SGCZ: variants seen among roughly 807,000 people sequenced by gnomAD.
The protein encoded by SGCZ is zeta-sarcoglycan.
SGCZ carries 40 observed loss-of-function variants against 41.3 expected under a neutral mutation model. The ratio of observed to expected loss-of-function variants is 0.97; its 90% CI spans 0.75 to 1.26. The LOEUF is 1.26. Among genes scored for constraint, SGCZ ranks in the 50% most tolerant of loss-of-function variants. The pLI is 0.00. For missense variants in SGCZ, 552 were observed against 369.8 expected (o/e 1.49, Z -4.04); for synonymous variants, 206 against 137.5 (o/e 1.50, Z -3.49).
intron 1 of SGCZ, among the ~76,000 whole-genome samples, chr8:14,876,102 G>T (rs934158226): frequency 1.3e-5 from 2 of 152,112 alleles, no homozygotes; most frequent in Non-Finnish European, 2.9e-5. Context: ...GTAGCCAAAA[G>T]CTTGCATCAG....
intron 1 of SGCZ, among the ~76,000 whole-genome samples, chr8:14,914,720 G>A (rs1176182130): frequency 6.6e-6 from 1 of 152,080 alleles, no homozygotes; most frequent in East Asian, 1.9e-4. Flanking sequence ...CAAAAAGCAG[G>A]CAAATCCAGA....
rs7833701 is a variant in SGCZ at position 14,254,095 on chromosome 8, T to A, written c.337-16416A>T. On this transcript the variant is annotated intron_variant, in intron 3 of 7. Transcript: ENST00000382080. Reference sequence around the variant, plus strand: ...TCTTAAATTGGGCACTAAAATCCATTAACAGAACTGAAGACTTTTTAAACC... The same window carrying A: ...TCTTAAATTGGGCACTAAAATCCATAAACAGAACTGAAGACTTTTTAAACC... Among the ~76,000 whole-genome samples the A allele has an allele frequency of 1.6e-3, 237 of 152,034 alleles. 1 individual carries two copies. The highest frequency in any genetic ancestry group is 5.4e-3 in the African/African-American group (223 of 41,488).
intron 1 of SGCZ, among the ~76,000 whole-genome samples, chr8:15,115,203 T>C (rs778422225): frequency 6.6e-6 from 1 of 152,192 alleles, no homozygotes; most frequent in Non-Finnish European, 1.5e-5. Context: ...GCTGCCTTCT[T>C]TACACATGCC....
chr8:14,382,599 T>C (rs527560232), intron 2 of SGCZ, among the ~76,000 whole-genome samples: 3 of 152,248 alleles, frequency 2.0e-5, no homozygotes, highest in African/African-American at 4.8e-5. Context: ...ACAATCATTA[T>C]TGGGGACGTT....
intron 4 of SGCZ, among the ~76,000 whole-genome samples, chr8:14,180,830 C>G (rs1254500402): frequency 6.6e-6 from 1 of 151,788 alleles, no homozygotes; most frequent in Non-Finnish European, 1.5e-5. Context: ...GTGGCGATGG[C>G]TATGTGAACC....
At chr8:14,462,802 T>C (rs1025661542) in intron 2 of SGCZ, among the ~76,000 whole-genome samples, 5 of 151,856 alleles carry the variant, frequency 3.3e-5, no homozygotes, top group Admixed American at 2.6e-4. Context: ...CTGTAGATCA[T>C]TTGGGGTAAT....
chr8:14,475,044 T>C (rs1381239751), intron 2 of SGCZ, among the ~76,000 whole-genome samples: 1 of 152,174 alleles, frequency 6.6e-6, no homozygotes, highest in East Asian at 1.9e-4. Flanking sequence ...ACTTATCCAA[T>C]GAGTTATTTT....
chr8:14,684,062 T>C (rs1472251799), intron 1 of SGCZ, among the ~76,000 whole-genome samples: 1 of 152,174 alleles, frequency 6.6e-6, no homozygotes, highest in African/African-American at 2.4e-5. Context: ...CTAGAGATTA[T>C]GAAACCCAAC....
intron 1 of SGCZ, among the ~76,000 whole-genome samples, chr8:15,015,059 T>A (rs1220822221): frequency 6.6e-6 from 1 of 151,868 alleles, no homozygotes. Context: ...CTGGCAAACA[T>A]GGCGAAACTC....
Position 14,487,375 on chromosome 8 carries a change from T to C in SGCZ, c.234+67357A>G, listed in dbSNP as rs548730961. Among the ~76,000 whole-genome samples the C allele has an allele frequency of 7.2e-5, 11 of 152,034 alleles. No homozygotes were observed. The South Asian group carries it at 2.3e-3, about 32-fold the overall frequency. ...TGTAAGCTATAAGGAATATAATATA[T>C]TATGAGACAAATGATGTATGGCAAA... On this transcript the variant is annotated intron_variant, in intron 2 of 7. Transcript: ENST00000382080.
At chr8:14,259,156 A>T (rs1025418444) in intron 3 of SGCZ, among the ~76,000 whole-genome samples, 4 of 152,194 alleles carry the variant, frequency 2.6e-5, no homozygotes, top group African/African-American at 7.2e-5. Flanking sequence ...TGCAATTTTC[A>T]ATTTGTTATG....
At chr8:14,625,633 G>A (rs1431250644) in intron 1 of SGCZ, among the ~76,000 whole-genome samples, 1 of 152,010 alleles carries the variant, frequency 6.6e-6, no homozygotes, top group African/African-American at 2.4e-5. Flanking sequence ...GTCTCACTAG[G>A]TTTCCCAGGC....
intron 1 of SGCZ, among the ~76,000 whole-genome samples, chr8:14,772,795 T>C (rs1162862692): frequency 1.3e-5 from 2 of 152,220 alleles, no homozygotes; most frequent in Admixed American, 6.5e-5. Flanking sequence ...CCATGGTGTA[T>C]ATGTGCCACA....
intron 1 of SGCZ, among the ~76,000 whole-genome samples, chr8:14,925,186 G>A (rs898424406): frequency 1.3e-5 from 2 of 152,100 alleles, no homozygotes; most frequent in East Asian, 1.9e-4. Context: ...CAGCAGTTAA[G>A]TTTAAAAGTC....
intron 2 of SGCZ, among the ~76,000 whole-genome samples, chr8:14,529,119 C>A (rs192205822): frequency 9.2e-5 from 14 of 152,182 alleles, no homozygotes; most frequent in Admixed American, 7.2e-4. Context: ...AATATTAAGT[C>A]CAGCACATGT....
chr8:14,149,493 T>C (rs576346645), intron 5 of SGCZ, among the ~76,000 whole-genome samples: 2 of 152,032 alleles, frequency 1.3e-5, no homozygotes, highest in Non-Finnish European at 2.9e-5. Context: ...ATGGAAACTA[T>C]AAAACACTGG....
chr8:14,114,329 G>A (rs1030264446), intron 5 of SGCZ, among the ~76,000 whole-genome samples: 10 of 151,948 alleles, frequency 6.6e-5, no homozygotes, highest in African/African-American at 2.2e-4. Context: ...AACATCCTGC[G>A]ATGATTATCT....
intron 1 of SGCZ, among the ~76,000 whole-genome samples, chr8:14,734,210 A>C (rs1326515822): frequency 6.6e-6 from 1 of 152,200 alleles, no homozygotes; most frequent in Admixed American, 6.5e-5. Context: ...GAAAAAGAAT[A>C]CGACAAGATT....
At chr8:14,509,533 A>C (rs758714206) in intron 2 of SGCZ, among the ~76,000 whole-genome samples, 8 of 152,160 alleles carry the variant, frequency 5.3e-5, no homozygotes, top group Non-Finnish European at 1.2e-4. Flanking sequence ...TGCTACACAC[A>C]ACAGTCAGCT....
Sources: gnomAD v4.1 joint callset for allele counts (sites outside exome capture counted in the v4.1 genomes callset) on GRCh38, gnomAD v4.1.1 for gene constraint, MANE v1.5 for transcripts, NCBI Gene and HGNC (gene_info 2026-07-23, HGNC 2026-07-21) for gene names.